Variants in C5 observed in about 807,000 individuals in gnomAD.
C5 encodes the protein complement C5.
In C5, 140 loss-of-function variants were observed where a neutral mutation model predicts 218.8. The ratio of observed to expected loss-of-function variants is 0.64; its 90% CI spans 0.56 to 0.74. The LOEUF (loss-of-function observed/expected upper bound fraction) is 0.74. C5 is among the 30% of genes least tolerant of loss of function. The pLI is 0.00. For missense variants in C5, 1,700 were observed against 1,969.6 expected (o/e 0.86, Z 2.59); for synonymous variants, 614 against 682.3 (o/e 0.90, Z 1.56).
intron 10 of C5, 47 bp from the exon 11 acceptor site, chr9:121,021,741 T>C (rs2047367913): frequency 2.1e-6 from 3 of 1,400,766 alleles, no homozygotes; most frequent in East Asian, 2.3e-5. Context: ...TCATCACTTA[T>C]TTTAAAGCAC....
chr9:121,042,394 C>T (rs575362508), intron 3 of C5, among the ~76,000 whole-genome samples: 1 of 152,226 alleles, frequency 6.6e-6, no homozygotes, highest in Non-Finnish European at 1.5e-5. Context: ...TAGGTAGATC[C>T]CCTTTGAAAA....
intron 4 of C5, among the ~76,000 whole-genome samples, chr9:121,035,889 A>G (rs894813804): frequency 6.6e-6 from 1 of 151,996 alleles, no homozygotes; most frequent in African/African-American, 2.4e-5. Context: ...CTACAAAAAA[A>G]TGTTTAAAGA....
chr9:121,010,567 C>A (rs1287834215), intron 17 of C5, among the ~76,000 whole-genome samples: 2 of 152,024 alleles, frequency 1.3e-5, no homozygotes, highest in African/African-American at 2.4e-5. Flanking sequence ...ATACCCAAAG[C>A]AATCTACTGA....
rs2047128304 is a variant in C5 at position 120,997,673 on chromosome 9, T to C, written c.2664A>G (p.Val888=). 1.2e-6 allele frequency: 2 copies of C among 1,614,194 alleles called. No homozygotes were observed. Among genetic ancestry groups the C allele is most frequent in the South Asian group, 2.2e-5 (2 of 91,092 alleles). ...TCACCAAGTGACTGGAGGAGCCCTCTACTTTCTGGCGCACACATTTGGAGG... is the reference window on the plus strand; with the variant it reads ...TCACCAAGTGACTGGAGGAGCCCTCCACTTTCTGGCGCACACATTTGGAGG... ...TKSSKCVRQK[V]EGSSSHLVTF... is the part of the protein sequence containing the mutation. The change falls in exon 21 of 41, where the codon GTA becomes GTG. Residue 888 remains valine, a synonymous_variant. Transcript: ENST00000223642.
At chr9:121,019,001 A>C (rs2047340793) in intron 12 of C5, among the ~76,000 whole-genome samples, 1 of 152,152 alleles carries the variant, frequency 6.6e-6, no homozygotes, top group Non-Finnish European at 1.5e-5. Context: ...ATTTGAACCC[A>C]AAAACTGTTC....
rs1156683682 is a variant in C5 at position 120,997,490 on chromosome 9, C to G, written c.2790+57G>C. 5 of 1,249,166 alleles carry G rather than the reference C, an allele frequency of 4.0e-6. No homozygotes were observed. The African/African-American group carries it at 4.4e-5, about 11-fold the overall frequency. The allele number at this position is 1,249,166 out of a possible 1,614,324, so 77.4% of individuals were successfully genotyped here. The stretch of plus-strand genomic sequence containing the variant: ...ACTATTGTTTCTCTCCCCCCCCTTT[C>G]TGTGTCTCTCTTTTGCAATAATTTA... On this transcript the variant is annotated intron_variant, in intron 21 of 40. Transcript: ENST00000223642.
chr9:120,963,513 A>T (rs1306845868), intron 34 of C5, 123 bp downstream of exon 34: 2 of 801,450 alleles, frequency 2.5e-6, no homozygotes, highest in Non-Finnish European at 4.1e-6. Flanking sequence ...CCAAAAAAAA[A>T]AAAATATTCT....
chr9:121,032,736 A>G (rs1156600468), intron 5 of C5, among the ~76,000 whole-genome samples: 4 of 152,224 alleles, frequency 2.6e-5, no homozygotes, highest in African/African-American at 9.6e-5. Flanking sequence ...ATAGTGGCTC[A>G]TGCCTATAAT....
the C5 span, among the ~76,000 whole-genome samples, chr9:121,070,553 A>T: frequency 6.6e-6 from 1 of 151,590 alleles, no homozygotes; most frequent in African/African-American, 2.4e-5. Flanking sequence ...CATAAAAAAG[A>T]ATGAAATACT....
intron 25 of C5, among the ~76,000 whole-genome samples, chr9:120,988,708 T>C (rs1167943972): frequency 6.6e-6 from 1 of 152,162 alleles, no homozygotes; most frequent in Non-Finnish European, 1.5e-5. Context: ...TAACATATGT[T>C]TTAACAGGGT....
the C5 span, among the ~76,000 whole-genome samples, chr9:121,066,576 G>T: frequency 6.6e-6 from 1 of 151,996 alleles, no homozygotes; most frequent in African/African-American, 2.4e-5. Flanking sequence ...CAGTTGTGGT[G>T]GGTCATGCCT....
At chr9:121,041,407 C>T (rs977741109) in intron 3 of C5, among the ~76,000 whole-genome samples, 1 of 137,160 alleles carries the variant, frequency 7.3e-6, no homozygotes, top group Non-Finnish European at 1.5e-5. Flanking sequence ...TGGGTTCAAG[C>T]GATTCTCCTG....
At position 121,050,223 on chromosome 9, in the gene C5, A is replaced by AG. The variant is rs752292204; in HGVS notation, c.23_24insC (p.Leu10PhefsTer28). On this transcript the variant is annotated frameshift_variant, in exon 1 of 41. Transcript: ENST00000223642. LOFTEE classifies it high-confidence loss of function. The stretch of plus-strand genomic sequence containing the variant: ...AGGTTTTCCCCAGGAAGATTAAAAA[A>AG]CAAAGTATTCCCAAAAGGCCCATGG... 1.2e-6 allele frequency: 2 copies of AG among 1,613,988 alleles called. No homozygotes were observed. Among genetic ancestry groups the AG allele is most frequent in the Non-Finnish European group, 1.7e-6 (2 of 1,179,864 alleles).
chr9:120,961,643 A>C (rs1251448148), intron 36 of C5, 78 bp from the exon 37 acceptor site: 4 of 899,006 alleles, frequency 4.4e-6, no homozygotes. Context: ...AGTGTCTTAC[A>C]TGGAGCCTCA....
chr9:120,987,635 T>C (rs1355920921), intron 25 of C5, among the ~76,000 whole-genome samples: 1 of 53,418 alleles, frequency 1.9e-5, no homozygotes. Flanking sequence ...AGACTCCGTC[T>C]CAAAAAAAAA....
chr9:121,001,568 ATAT>A (rs1303486960), intron 20 of C5, among the ~76,000 whole-genome samples: 1 of 152,216 alleles, frequency 6.6e-6, no homozygotes, highest in African/African-American at 2.4e-5. Flanking sequence ...TTGTGTATAC[ATAT>A]TATTCTGCAA....
Position 121,016,322 on chromosome 9 carries a change from G to T in C5, c.1928C>A (p.Ala643Asp), listed in dbSNP as rs759560468. Residue 643 changes from alanine (A) to aspartate (D), a missense_variant, in exon 15 of 41, where the codon GCC (alanine) becomes GAC (aspartate). Ala to Asp is a moderately radical substitution (Grantham distance 126, BLOSUM62 -2). Coordinates refer to ENST00000223642, the MANE Select transcript of C5 (RefSeq NM_001735.3). ...GCGAGGGLNN[A>D]NVFHLAGLTF... is the part of the protein sequence containing the mutation. Reference sequence around the variant, plus strand: ...AAGTCCAGCTAGGTGGAACACATTGGCATTGTTGAGGCCACCACCTGCCCC... The same window carrying T: ...AAGTCCAGCTAGGTGGAACACATTGTCATTGTTGAGGCCACCACCTGCCCC... 6.2e-7 allele frequency: 1 copy of T among 1,614,004 alleles called. No homozygotes were observed. The highest frequency in any genetic ancestry group is 8.5e-7 in the Non-Finnish European group (1 of 1,179,914).
chr9:121,013,861 T>C lies in C5; in HGVS notation c.2257+12A>G, dbSNP rs1564151476. 6.2e-7 allele frequency: 1 copy of C among 1,611,196 alleles called. No individual in the cohort carries two copies. The highest frequency in any genetic ancestry group is 8.5e-7 in the Non-Finnish European group (1 of 1,177,498). ...TATTGAGCAGAATTCTGATAGAAAA[T>C]GTCATACTTACGTAGCCTTCCCAAT... On this transcript the variant is annotated intron_variant, in intron 17 of 40. Coordinates refer to ENST00000223642, the MANE Select transcript of C5 (RefSeq NM_001735.3).
rs201484231 is a variant in C5 at position 121,015,256 on chromosome 9, G to T, written c.2002C>A (p.Pro668Thr). The change falls in exon 16 of 41, where the codon CCT becomes ACT. Residue 668 changes from proline (P) to threonine (T), a missense_variant. By Grantham distance (38) the Pro-to-Thr change is conservative. Coordinates refer to ENST00000223642, the MANE Select transcript of C5 (RefSeq NM_001735.3). ...NADDSQENDEPCKEILRPRRT... is the reference protein window; with the variant it reads ...NADDSQENDETCKEILRPRRT... ...CTTGGCCTGAGAATTTCTTTACAAG[G>T]TTCATCTGGTTTTTTTAAAAAAAGA... is the stretch of plus-strand genomic sequence containing the variant. 17 of 1,599,620 alleles carry T rather than the reference G, an allele frequency of 1.1e-5. No individual in the cohort carries two copies. The Admixed American group carries it at 2.0e-4, about 19-fold the overall frequency.
Sources: gnomAD v4.1 joint callset for allele counts (sites outside exome capture counted in the v4.1 genomes callset) on GRCh38, gnomAD v4.1.1 for gene constraint, MANE v1.5 for transcripts, NCBI Gene and HGNC (gene_info 2026-07-23, HGNC 2026-07-21) for gene names.